Variants in KDM2A observed in about 807,000 individuals in gnomAD.
KDM2A encodes lysine-specific demethylase 2A.
Under a neutral mutation model 137.3 loss-of-function variants are expected in KDM2A, and 3 were observed. The observed-to-expected ratio is 0.02, with a 90% CI of 0.01 to 0.06. KDM2A has a LOEUF of 0.06. Among genes scored for constraint, KDM2A ranks in the 10% least tolerant of loss-of-function variants. KDM2A has a pLI of 1.00. For synonymous variants in KDM2A, 512 were observed against 541.5 expected (o/e 0.95, Z 0.76); for missense variants, 738 against 1,510.6 (o/e 0.49, Z 8.48).
chr11:67,235,154 A>G (rs1480864759), intron 12 of KDM2A, among the ~76,000 whole-genome samples: 4 of 151,632 alleles, frequency 2.6e-5, no homozygotes, highest in Non-Finnish European at 5.9e-5. Flanking sequence ...CAAAAAAAAA[A>G]AAAAAAGAAA....
Position 67,228,033 on chromosome 11 carries a change from G to A in KDM2A, c.958-4G>A, listed in dbSNP as rs1222492722. The stretch of plus-strand genomic sequence containing the variant: ...CATCTTTTCTCTATTTTATTCCTCT[G>A]TAGGTTCCAAATAAGTTTCGCTATC... On this transcript the variant is annotated splice_polypyrimidine_tract_variant and splice_region_variant and intron_variant, in intron 10 of 20. Transcript: ENST00000529006. The A allele has an allele frequency of 1.2e-6, 2 of 1,611,366 alleles. No individual in the cohort carries two copies. The highest frequency in any genetic ancestry group is 1.1e-5 in the South Asian group (1 of 91,022).
chr11:67,178,073 TTAGA>T (rs1565390499), intron 2 of KDM2A, among the ~76,000 whole-genome samples: 1 of 152,184 alleles, frequency 6.6e-6, no homozygotes, highest in South Asian at 2.1e-4. Flanking sequence ...TGACTGCTTA[TTAGA>T]TAGAATTCTC....
In KDM2A at chr11:67,250,076, T is replaced by G; in HGVS notation, c.2056-10T>G. On this transcript the variant is annotated splice_polypyrimidine_tract_variant and intron_variant, in intron 16 of 20. Transcript: ENST00000529006. This position sits in a 1 kb window ranked among gnomAD's most constrained non-coding sequence, Gnocchi z 7.1. ...AGCACTGATGTTGCTTTTCTGGGCC[T>G]GTTTTGCAGAAGCGGAAAATGGAAG... The G allele has an allele frequency of 6.4e-7, 1 of 1,567,360 alleles. No individual in the cohort carries two copies. Among genetic ancestry groups the G allele is most frequent in the Non-Finnish European group, 8.6e-7 (1 of 1,156,494 alleles).
At chr11:67,238,927 C>T (rs1472381302) in intron 12 of KDM2A, among the ~76,000 whole-genome samples, 1 of 152,208 alleles carries the variant, frequency 6.6e-6, no homozygotes, top group East Asian at 1.9e-4. Flanking sequence ...TGTGCACCCT[C>T]CTTTCCTCCT....
At chr11:67,153,999 G>A (rs1856459913) in intron 2 of KDM2A, among the ~76,000 whole-genome samples, 1 of 152,046 alleles carries the variant, frequency 6.6e-6, no homozygotes, top group African/African-American at 2.4e-5. Context: ...CTAAGAATAA[G>A]AACATGATCT....
chr11:67,161,324 C>T (rs2136316821), intron 2 of KDM2A, among the ~76,000 whole-genome samples: 1 of 152,164 alleles, frequency 6.6e-6, no homozygotes, highest in Admixed American at 6.5e-5. Context: ...CACGTGAAAC[C>T]TTTGAATTGT....
intron 2 of KDM2A, among the ~76,000 whole-genome samples, chr11:67,155,014 C>T (rs1856481867): frequency 6.6e-6 from 1 of 152,004 alleles, no homozygotes; most frequent in Non-Finnish European, 1.5e-5. Context: ...GTTTTTAGTT[C>T]TTTTGTTTTT....
chr11:67,125,006 C>T (rs1364336711), intron 2 of KDM2A, among the ~76,000 whole-genome samples: 4 of 151,352 alleles, frequency 2.6e-5, no homozygotes, highest in East Asian at 2.0e-4. Flanking sequence ...TACAGGCGCC[C>T]GCCGCCACAC....
chr11:67,170,504 C>T (rs1333447775), intron 2 of KDM2A, among the ~76,000 whole-genome samples: 1 of 150,640 alleles, frequency 6.6e-6, no homozygotes, highest in Non-Finnish European at 1.5e-5. Context: ...GCTCCGCCTC[C>T]TGGGTTCGCA....
chr11:67,180,548 C>A (rs1334638986), intron 3 of KDM2A: 1 of 194,806 alleles, frequency 5.1e-6, no homozygotes, highest in African/African-American at 2.3e-5. Flanking sequence ...ATATATCTAC[C>A]CCACCAAAAC....
chr11:67,215,303 C>T, intron 6 of KDM2A, 37 bp from the exon 7 acceptor site: 2 of 1,396,112 alleles, frequency 1.4e-6, no homozygotes, highest in South Asian at 1.2e-5. Flanking sequence ...CCCAACCTTT[C>T]CCTTGGAGCC....
intron 15 of KDM2A, among the ~76,000 whole-genome samples, chr11:67,246,753 A>G (rs1859225512): frequency 6.6e-6 from 1 of 152,026 alleles, no homozygotes; most frequent in Non-Finnish European, 1.5e-5. Flanking sequence ...GTCGCCTGAC[A>G]GTGATAATAA....
intron 2 of KDM2A, among the ~76,000 whole-genome samples, chr11:67,137,346 G>T (rs1226276922): frequency 6.6e-6 from 1 of 152,154 alleles, no homozygotes; most frequent in African/African-American, 2.4e-5. Context: ...GTAGAGAAAG[G>T]GTCAGGGAGA....
chr11:67,203,273 A>G (rs1212968446), intron 5 of KDM2A, among the ~76,000 whole-genome samples: 2 of 151,702 alleles, frequency 1.3e-5, no homozygotes, highest in African/African-American at 4.8e-5. Context: ...GTATAATGTA[A>G]ATATATGCAC....
intron 5 of KDM2A, among the ~76,000 whole-genome samples, chr11:67,193,988 G>A (rs140558115): frequency 2.6e-5 from 4 of 152,308 alleles, no homozygotes; most frequent in East Asian, 1.9e-4. Context: ...GATTATAGGC[G>A]TAATCTCACT....
chr11:67,129,727 C>G (rs1855808293), intron 2 of KDM2A, among the ~76,000 whole-genome samples: 1 of 142,150 alleles, frequency 7.0e-6, no homozygotes, highest in Non-Finnish European at 1.5e-5. Context: ...GAGCGAGACT[C>G]CATCTCAAAA....
At chr11:67,203,947 C>T (rs965356634) in intron 5 of KDM2A, among the ~76,000 whole-genome samples, 4 of 151,900 alleles carry the variant, frequency 2.6e-5, no homozygotes, top group East Asian at 1.9e-4. Flanking sequence ...ACTATGGCCG[C>T]GTACCACCAC....
chr11:67,203,477 T>A (rs1857707215), intron 5 of KDM2A, among the ~76,000 whole-genome samples: 1 of 147,118 alleles, frequency 6.8e-6, no homozygotes, highest in Non-Finnish European at 1.5e-5. Context: ...TTAATAATTA[T>A]TAATATATAT....
intron 5 of KDM2A, among the ~76,000 whole-genome samples, chr11:67,204,424 T>C (rs1857740236): frequency 6.6e-6 from 1 of 152,184 alleles, no homozygotes; most frequent in Admixed American, 6.6e-5. Flanking sequence ...TCTGTATATT[T>C]CATATAAATG....
Sources: gnomAD v4.1 joint callset for allele counts (sites outside exome capture counted in the v4.1 genomes callset) on GRCh38, gnomAD v4.1.1 for gene constraint, Gnocchi (gnomAD v3.1) non-coding constraint, MANE v1.5 for transcripts, NCBI Gene and HGNC (gene_info 2026-07-23, HGNC 2026-07-21) for gene names.